Variants in RNF213 observed in about 807,000 individuals in gnomAD.
The protein encoded by RNF213 is ring finger protein 213.
In RNF213, 341 loss-of-function variants were observed where a neutral mutation model predicts 514.4. The ratio of observed to expected loss-of-function variants is 0.66; its 90% confidence interval spans 0.61 to 0.73. The LOEUF (loss-of-function observed/expected upper bound fraction) is 0.73. Ranked by LOEUF, RNF213 falls within the 30% of genes least tolerant of loss-of-function variation. RNF213 has a pLI of 0.00. For synonymous variants in RNF213, 2,655 were observed against 2,658.2 expected, an observed-to-expected ratio of 1.00 and a Z score of 0.04; for missense variants, 5,767 against 6,615.6, an observed-to-expected ratio of 0.87 and a Z score of 4.45.
intron 3 of RNF213, among the ~76,000 whole-genome samples, chr17:80,276,436 T>C (rs1446386919): frequency 6.6e-6 from 1 of 152,188 alleles, no homozygotes; most frequent in Non-Finnish European, 1.5e-5. Context: ...TAAATTTTTT[T>C]ACTAGTGGAA....
chr17:80,376,462 T>C lies in RNF213; in HGVS notation c.13347T>C (p.His4449=), dbSNP rs2079764190. ...LDGTVTEMAI[H]AAAVLLCGQN... ...GAACGGTGACAGAAATGGCCATTCA[T>C]GCTGCAGCCGTCCTTCTGTGTGGAC... The change falls in exon 52 of 68, where the codon CAT becomes CAC. Residue 4449 remains histidine, a synonymous_variant. Transcript: ENST00000582970. 6.8e-6 allele frequency: 11 copies of C among 1,614,198 alleles called. No individual in the cohort carries two copies. The highest frequency in any genetic ancestry group is 1.3e-5 in the African/African-American group (1 of 75,064).
intron 15 of RNF213, chr17:80,315,996 GATA>G (rs1421979880): frequency 6.6e-6 from 1 of 152,198 alleles, no homozygotes; most frequent in African/African-American, 2.4e-5. Context: ...TGGTGGAGGT[GATA>G]GTGGTGAAGG....
At chr17:80,327,706 G>A (rs2046315755) in intron 18 of RNF213, 110 bp from the exon 19 acceptor site, 1 of 911,878 alleles carries the variant, frequency 1.1e-6, no homozygotes, top group Non-Finnish European at 1.6e-6. Flanking sequence ...CATTGCCTGT[G>A]TTTGAGGAAG....
chr17:80,350,750 G>A (rs2078480114), intron 31 of RNF213, among the ~76,000 whole-genome samples: 1 of 152,188 alleles, frequency 6.6e-6, no homozygotes, highest in Non-Finnish European at 1.5e-5. Flanking sequence ...AGTGAACTGC[G>A]ATCCCACCAC....
In RNF213 at chr17:80,295,676, T is replaced by C; in HGVS notation, c.1875T>C (p.Ile625=). ...PVRSKLKTGL[I]VLFVVEKIEL... The stretch of plus-strand genomic sequence containing the variant: ...GGAGTAAACTGAAAACAGGCCTGAT[T>C]GTCCTTTTTGTAGTGGAAAAAATTG... Residue 625 remains isoleucine, a synonymous_variant, in exon 10 of 68, where the codon ATT becomes ATC. Transcript: ENST00000582970. The C allele has an allele frequency of 6.2e-7, 1 of 1,614,190 alleles. No homozygotes were observed. Among genetic ancestry groups the C allele is most frequent in the Non-Finnish European group, 8.5e-7 (1 of 1,180,012 alleles).
chr17:80,282,213 A>C (rs1467650353), intron 3 of RNF213, among the ~76,000 whole-genome samples: 1 of 152,016 alleles, frequency 6.6e-6, no homozygotes, highest in African/African-American at 2.4e-5. Context: ...CATCTGTATG[A>C]CATAGATGCT....
chr17:80,309,747 T>G (rs892865128), intron 14 of RNF213, among the ~76,000 whole-genome samples: 23 of 149,394 alleles, frequency 1.5e-4, no homozygotes, highest in South Asian at 4.3e-4. Context: ...GATCAGTTTT[T>G]TTTTTGTTTT....
chr17:80,318,183 G>A (rs1410600396), intron 16 of RNF213, among the ~76,000 whole-genome samples: 1 of 152,140 alleles, frequency 6.6e-6, no homozygotes, highest in South Asian at 2.1e-4. Context: ...CACAAGATAG[G>A]GGGCAGGGTG....
In RNF213 at chr17:80,384,873, T is replaced by C. The variant is rs947802032; in HGVS notation, c.14323-166T>C. 1.2e-5 allele frequency: 9 copies of C among 750,992 alleles called. 1 individual carries two copies. Among genetic ancestry groups the C allele is most frequent in the East Asian group, 5.4e-5 (2 of 37,082 alleles). 46.5% of individuals were successfully genotyped at this position (750,992 alleles called of 1,614,324 possible). ...GCACACTGCACTGTCTGTAGACTTG[T>C]GGGAAGAACTTTTCCCGTTTTCAAG... On this transcript the variant is annotated intron_variant, in intron 59 of 67. Transcript: ENST00000582970.
chr17:80,317,071 G>C lies in RNF213; in HGVS notation c.2812-117G>C. ...GATGAAGGTTGGGGAGAGCCCTGGT[G>C]TTCGCGGAGTCCCGCGCTCTCTGTA... On this transcript the variant is annotated intron_variant, in intron 15 of 67. Coordinates refer to ENST00000582970, the MANE Select transcript of RNF213 (RefSeq NM_001256071.3). The surrounding 1 kb of genome is among the most constrained non-coding windows in gnomAD (Gnocchi z 4.1). The C allele has an allele frequency of 9.1e-7, 1 of 1,102,922 alleles. No individual in the cohort carries two copies. Among genetic ancestry groups the C allele is most frequent in the South Asian group, 1.3e-5 (1 of 74,940 alleles). 68.3% of individuals were successfully genotyped at this position (1,102,922 alleles called of 1,614,324 possible).
Position 80,381,563 on chromosome 17 carries a change from T to G in RNF213, c.13814T>G (p.Ile4605Ser). ...SQSSQALINIIKPPVRDPKGF... is the reference protein window; with the variant it reads ...SQSSQALINISKPPVRDPKGF... ...CCCCCACAGGCTCTGATAAACATCA[T>G]TAAGCCTCCAGTGAGGGATCCAAAA... The change falls in exon 57 of 68, where the codon ATT becomes AGT. Residue 4605 changes from isoleucine to serine, a missense_variant. Ile to Ser is a moderately radical substitution (Grantham distance 142). Coordinates refer to ENST00000582970, the MANE Select transcript of RNF213 (RefSeq NM_001256071.3). 6.2e-7 allele frequency: 1 copy of G among 1,614,206 alleles called. No homozygotes were observed. The highest frequency in any genetic ancestry group is 8.5e-7 in the Non-Finnish European group (1 of 1,180,024).
intron 14 of RNF213, among the ~76,000 whole-genome samples, chr17:80,310,653 A>C (rs2143641327): frequency 6.6e-6 from 1 of 152,150 alleles, no homozygotes; most frequent in South Asian, 2.1e-4. Context: ...CCTGGGTTCA[A>C]GTGATTCTCC....
At chr17:80,306,176 C>T (rs2045350781) in intron 11 of RNF213, 76 bp from the exon 12 acceptor site, 3 of 1,386,414 alleles carry the variant, frequency 2.2e-6, no homozygotes, top group South Asian at 2.3e-5. Flanking sequence ...TTCTGTCCCT[C>T]CAGCATTGGT....
intron 2 of RNF213, among the ~76,000 whole-genome samples, chr17:80,265,614 G>A (rs1015597174): frequency 2.6e-5 from 4 of 152,196 alleles, no homozygotes; most frequent in African/African-American, 9.7e-5. Context: ...CTGCAGCTCT[G>A]CATAAATGAT....
chr17:80,372,190 C>G (rs1196437825), intron 47 of RNF213, among the ~76,000 whole-genome samples: 1 of 152,164 alleles, frequency 6.6e-6, no homozygotes, highest in Non-Finnish European at 1.5e-5. Flanking sequence ...AACAGAACAG[C>G]CTAGGAGAAT....
At chr17:80,359,600 G>A (rs1021725660) in intron 37 of RNF213, among the ~76,000 whole-genome samples, 20 of 124,596 alleles carry the variant, frequency 1.6e-4, no homozygotes, top group Admixed American at 7.5e-5. Context: ...AAGAAAGAGC[G>A]AGAGAAAGAG....
rs1180598847 is a variant in RNF213, at chr17:80,332,173, G to C, written c.3685G>C (p.Asp1229His). ...GGCTGGGAAGATAGACTTGCTCAGA[G>C]ACAGCCACATCTTCCAGCTCTTCTG... ...EMAGKIDLLR[D>H]SHIFQLFWRE... is the part of the protein sequence containing the mutation. Residue 1229 changes from aspartate (D) to histidine (H), a missense_variant, in exon 21 of 68, where the codon GAC (aspartate) becomes CAC (histidine). This residue lies in a region of RNF213 where 516 missense variants were observed against 566.5 expected (regional missense o/e 0.91). Transcript: ENST00000582970. 3 of 1,537,202 alleles carry C rather than the reference G, an allele frequency of 2.0e-6. No individual in the cohort carries two copies. Among genetic ancestry groups the C allele is most frequent in the Non-Finnish European group, 1.7e-6 (2 of 1,146,932 alleles).
At chr17:80,362,520 C>T (rs1015503465) in intron 39 of RNF213, among the ~76,000 whole-genome samples, 17 of 152,342 alleles carry the variant, frequency 1.1e-4, no homozygotes, top group Admixed American at 3.9e-4. Flanking sequence ...ATCATGTTTA[C>T]GTATTCATTT....
intron 21 of RNF213, among the ~76,000 whole-genome samples, chr17:80,333,414 C>G (rs1237518527): frequency 6.6e-6 from 1 of 150,446 alleles, no homozygotes; most frequent in East Asian, 2.0e-4. Context: ...TAGAATTTAG[C>G]TGGGCACAGT....
Sources: gnomAD v4.1 joint callset for allele counts (sites outside exome capture counted in the v4.1 genomes callset) on GRCh38, gnomAD v4.1.1 for gene constraint, gnomAD v4.1.1 regional missense constraint, Gnocchi (gnomAD v3.1) non-coding constraint, MANE v1.5 for transcripts, NCBI Gene and HGNC (gene_info 2026-07-23, HGNC 2026-07-21) for gene names.